The following MCPH1 variants were observed in gnomAD, a reference collection of about 807,000 sequenced individuals.
The protein encoded by MCPH1 is microcephalin 1, also known as microcephalin.
In MCPH1, 104 loss-of-function variants were observed where a neutral mutation model predicts 84.5. The observed-to-expected ratio is 1.23, with a 90% CI of 1.05 to 1.45. The LOEUF (loss-of-function observed/expected upper bound fraction) is 1.45, where lower values mean the gene tolerates loss of function less well. MCPH1 is among the 40% of genes most tolerant of loss of function. The pLI, the probability that MCPH1 is intolerant of heterozygous loss-of-function variation, is 0.00. For synonymous variants in MCPH1, 514 were observed against 366.8 expected, an observed-to-expected ratio of 1.40 and a Z score of -4.58; for missense variants, 1,498 against 1,005.7, an observed-to-expected ratio of 1.49 and a Z score of -6.62.
chr8:6,429,606 T>G (rs1160677052), intron 3 of MCPH1, among the ~76,000 whole-genome samples: 2 of 152,192 alleles, frequency 1.3e-5, no homozygotes, highest in African/African-American at 4.8e-5. Flanking sequence ...TTATGTCTTT[T>G]TGTTTTCCTT....
rs749349051 is a variant in MCPH1 at position 6,436,104 on chromosome 8, A to G, written c.378A>G (p.Arg126=). The G allele has an allele frequency of 8.7e-6, 14 of 1,613,866 alleles. No individual in the cohort carries two copies. The highest frequency in any genetic ancestry group is 1.1e-5 in the Non-Finnish European group (13 of 1,179,822). Residue 126 remains arginine (R), a synonymous_variant, in exon 5 of 14, where the codon AGA becomes AGG. Coordinates refer to ENST00000344683, the MANE Select transcript of MCPH1 (RefSeq NM_024596.5). The part of the protein sequence containing the change: ...FNFKTPENDK[R]FQKKFEKMAK... ...TTAAAACACCAGAAAATGATAAGAG[A>G]TTTCAGAAGAAATTTGAGAAAATGG...
chr8:6,636,063 G>T lies in MCPH1; in HGVS notation c.2453-6931G>T, dbSNP rs148538614. Reference sequence around the variant, plus strand: ...CATATAAATTCAGAGTCACGGGCAGGCACGGTGGCTCACGCCTGTAATCCC... The same window carrying T: ...CATATAAATTCAGAGTCACGGGCAGTCACGGTGGCTCACGCCTGTAATCCC... On this transcript the variant is annotated intron_variant, in intron 13 of 13. Transcript: ENST00000344683. Among the ~76,000 whole-genome samples, 708 of 152,318 alleles carry T rather than the reference G, an allele frequency of 4.6e-3. 6 individuals are homozygous for T. Among genetic ancestry groups the T allele is most frequent in the African/African-American group, 0.016 (682 of 41,574 alleles).
chr8:6,497,964 C>G (rs1040886599), intron 11 of MCPH1, among the ~76,000 whole-genome samples: 6 of 152,156 alleles, frequency 3.9e-5, no homozygotes, highest in African/African-American at 1.2e-4. Context: ...TCTCAATGCT[C>G]TCACTGCTCC....
At chr8:6,627,447 G>A (rs3020261) in intron 13 of MCPH1, 91,063 of 195,800 alleles carry the variant, frequency 0.47, 22,157 homozygotes, top group East Asian at 0.69. Context: ...AAATGTTTGT[G>A]GAATTCAAAG....
chr8:6,597,570 G>T (rs1236882470), intron 12 of MCPH1, among the ~76,000 whole-genome samples: 1 of 152,196 alleles, frequency 6.6e-6, no homozygotes, highest in East Asian at 1.9e-4. Flanking sequence ...GCTCGGCCAA[G>T]AGTTCTGCTG....
chr8:6,521,548 A>G (rs1817341943), intron 12 of MCPH1: 1 of 660,744 alleles, frequency 1.5e-6, no homozygotes, highest in African/African-American at 1.8e-5. Flanking sequence ...CCAGAGCCCT[A>G]AGGAATCTCT....
intron 4 of MCPH1, among the ~76,000 whole-genome samples, chr8:6,432,347 G>A (rs1801963012): frequency 6.6e-6 from 1 of 152,084 alleles, no homozygotes; most frequent in Non-Finnish European, 1.5e-5. Context: ...TTGTTACACT[G>A]TATTTTTTTT....
chr8:6,456,036 A>G (rs757178891), intron 9 of MCPH1, among the ~76,000 whole-genome samples: 43 of 152,128 alleles, frequency 2.8e-4, no homozygotes, highest in Non-Finnish European at 4.7e-4. Context: ...GAGAAACCTG[A>G]CTCCTTTGCT....
chr8:6,510,271 A>G (rs1363603674), intron 12 of MCPH1, among the ~76,000 whole-genome samples: 1 of 151,922 alleles, frequency 6.6e-6, no homozygotes, highest in Non-Finnish European at 1.5e-5. Flanking sequence ...GGGGTATGCC[A>G]TGTTGGCACG....
chr8:6,597,856 C>A (rs561056643), intron 12 of MCPH1, among the ~76,000 whole-genome samples: 1 of 152,156 alleles, frequency 6.6e-6, no homozygotes, highest in Non-Finnish European at 1.5e-5. Flanking sequence ...CCTAGGTGGG[C>A]CTGCCCTTCA....
intron 12 of MCPH1, among the ~76,000 whole-genome samples, chr8:6,594,782 G>T (rs949768182): frequency 1.3e-5 from 2 of 152,166 alleles, no homozygotes; most frequent in African/African-American, 4.8e-5. Flanking sequence ...TACAGAGAGG[G>T]AAGGGGAGGC....
chr8:6,609,902 C>A (rs1225600130), intron 12 of MCPH1, among the ~76,000 whole-genome samples: 1 of 149,138 alleles, frequency 6.7e-6, no homozygotes, highest in Non-Finnish European at 1.5e-5. Flanking sequence ...ACACACCCTC[C>A]TCTGCCATCA....
At chr8:6,421,822 C>T (rs1800245672) in intron 3 of MCPH1, among the ~76,000 whole-genome samples, 1 of 152,122 alleles carries the variant, frequency 6.6e-6, no homozygotes, top group African/African-American at 2.4e-5. Flanking sequence ...TTGTCAGCTG[C>T]TCCCCTCTCC....
intron 13 of MCPH1, among the ~76,000 whole-genome samples, chr8:6,632,354 C>G (rs188654413): frequency 6.6e-6 from 1 of 152,040 alleles, no homozygotes; most frequent in Non-Finnish European, 1.5e-5. Flanking sequence ...TTATGTCTAT[C>G]AAACTTTTAA....
At chr8:6,588,605 C>T (rs768908620) in intron 12 of MCPH1, among the ~76,000 whole-genome samples, 3 of 152,228 alleles carry the variant, frequency 2.0e-5, no homozygotes, top group Non-Finnish European at 4.4e-5. Context: ...TCCATGTGAA[C>T]GCATTGAACT....
rs1247989268 is a variant in MCPH1 at position 6,505,250 on chromosome 8, T to TA, written c.2214+5321_2214+5322insA. Among the ~76,000 whole-genome samples, 59 of 20,286 alleles carry TA rather than the reference T, an allele frequency of 2.9e-3. 11 individuals carry two copies. The highest frequency in any genetic ancestry group is 6.6e-3 in the African/African-American group (56 of 8,520). The allele number at this position is 20,286 out of a possible 152,430, so 13.3% of individuals were successfully genotyped here. On this transcript the variant is annotated intron_variant, in intron 12 of 13. Coordinates refer to ENST00000344683, the MANE Select transcript of MCPH1 (RefSeq NM_024596.5). Reference sequence around the variant, plus strand: ...TTATGTATATATAGAATATATATTCTTTATATATGTTTTATATATATGTAT... The same window carrying TA: ...TTATGTATATATAGAATATATATTCTATTATATATGTTTTATATATATGTAT...
At chr8:6,538,191 C>A (rs1157130201) in intron 12 of MCPH1, among the ~76,000 whole-genome samples, 1 of 151,536 alleles carries the variant, frequency 6.6e-6, no homozygotes, top group African/African-American at 2.4e-5. Context: ...CTAGTAAATT[C>A]ACAAATAATT....
Position 6,546,785 on chromosome 8 carries a change from C to G in MCPH1, c.2214+46856C>G, listed in dbSNP as rs115253484. Among the ~76,000 whole-genome samples the G allele has an allele frequency of 4.7e-3, 721 of 152,296 alleles. 8 individuals are homozygous for G. The highest frequency in any genetic ancestry group is 0.016 in the African/African-American group (662 of 41,560). On this transcript the variant is annotated intron_variant, in intron 12 of 13. Transcript: ENST00000344683. The stretch of plus-strand genomic sequence containing the variant: ...AACGTACCCTCTTCCTCCCCTTCCC[C>G]CAATCCAAGTATTGCCTTTAATTGT...
intron 11 of MCPH1, among the ~76,000 whole-genome samples, chr8:6,484,688 G>C (rs1299792538): frequency 6.6e-6 from 1 of 152,260 alleles, no homozygotes; most frequent in Admixed American, 6.5e-5. Context: ...TCACTCAGGA[G>C]TCGAAAGGAA....
Sources: allele counts gnomAD v4.1 joint callset (sites outside exome capture counted in the v4.1 genomes callset), GRCh38; gene constraint gnomAD v4.1.1; transcripts MANE v1.5; gene names NCBI Gene and HGNC (gene_info 2026-07-23, HGNC 2026-07-21).